Variants in PAFAH1B1 observed in about 807,000 individuals in gnomAD.
PAFAH1B1 encodes the protein platelet activating factor acetylhydrolase 1b regulatory subunit 1, also known as platelet-activating factor acetylhydrolase IB subunit beta.
PAFAH1B1 carries 2 observed loss-of-function variants against 57.5 expected under a neutral mutation model. The observed-to-expected ratio is 0.03, with a 90% CI of 0.01 to 0.11. PAFAH1B1 has a LOEUF of 0.11. Among genes scored for constraint, PAFAH1B1 ranks in the 10% least tolerant of loss-of-function variants. The pLI is 1.00. For missense variants in PAFAH1B1, 257 were observed against 512.0 expected, an observed-to-expected ratio of 0.50 and a Z score of 4.81; for synonymous variants, 152 against 169.6, an observed-to-expected ratio of 0.90 and a Z score of 0.81.
At chr17:2,625,215 G>A (rs1225634034) in intron 1 of PAFAH1B1, among the ~76,000 whole-genome samples, 2 of 152,100 alleles carry the variant, frequency 1.3e-5, no homozygotes, top group Non-Finnish European at 2.9e-5. Flanking sequence ...AAGCAACAGT[G>A]TCCTTGATAT....
At chr17:2,612,139 G>A (rs1012757073) in intron 1 of PAFAH1B1, among the ~76,000 whole-genome samples, 3 of 151,886 alleles carry the variant, frequency 2.0e-5, no homozygotes, top group African/African-American at 4.8e-5. Flanking sequence ...ACTGTTTGAC[G>A]GTTGTTGAAT....
chr17:2,680,375 T>G, intron 10 of PAFAH1B1, 55 bp downstream of exon 10: 1 of 1,493,634 alleles, frequency 6.7e-7, no homozygotes, highest in Admixed American at 1.7e-5. Context: ...CCAGACAAAC[T>G]GTGTTTTACA....
chr17:2,657,044 C>G (rs546521892), intron 2 of PAFAH1B1, among the ~76,000 whole-genome samples: 1 of 152,300 alleles, frequency 6.6e-6, no homozygotes, highest in South Asian at 2.1e-4. Context: ...GCCTCAGCTT[C>G]ACTAGAGCAG....
rs982908732 is a variant in PAFAH1B1, at chr17:2,666,905, A to G, written c.193-87A>G. ...ATTTTTTCAAGTATCCTACATACAT[A>G]GTTGCAAAATAAAGGCAGTTTTTTA... On this transcript the variant is annotated intron_variant, in intron 4 of 10. Transcript: ENST00000397195. The G allele has an allele frequency of 1.1e-5, 10 of 890,684 alleles. No individual in the cohort carries two copies. In the African/African-American group the frequency reaches 1.3e-4, roughly 12 times the overall value. 55.2% of individuals were successfully genotyped at this position (890,684 alleles called of 1,614,324 possible). A position where few individuals can be genotyped will look rare whatever the true frequency, so the allele number is the denominator to read the frequency against.
chr17:2,607,495 T>C (rs552851977), intron 1 of PAFAH1B1, among the ~76,000 whole-genome samples: 1 of 151,790 alleles, frequency 6.6e-6, no homozygotes, highest in African/African-American at 2.4e-5. Flanking sequence ...TTTTTCTTTT[T>C]TTTTTTTGAG....
Position 2,662,822 on chromosome 17 carries a change from C to T in PAFAH1B1, c.33-2550C>T, listed in dbSNP as rs182533872. On this transcript the variant is annotated intron_variant, in intron 2 of 10. Transcript: ENST00000397195. ...GGTGAAGATTCCATCCTTAATAAAG[C>T]TGATGAGGCCAGGTACAGTGGCTAA... Among the ~76,000 whole-genome samples the T allele has an allele frequency of 1.6e-4, 25 of 152,188 alleles. No individual in the cohort carries two copies. The East Asian group carries it at 4.8e-3, about 29-fold the overall frequency.
intron 1 of PAFAH1B1, chr17:2,613,786 GC>G: frequency 3.3e-6 from 1 of 305,230 alleles, no homozygotes; most frequent in African/African-American, 2.3e-5. Context: ...TTCTGCTTCT[GC>G]AGGAGCTCCT....
chr17:2,598,892 C>T (rs1479463835), intron 1 of PAFAH1B1, among the ~76,000 whole-genome samples: 2 of 152,154 alleles, frequency 1.3e-5, no homozygotes, highest in South Asian at 2.1e-4. Context: ...AGTTTAACTT[C>T]TGTTACATAT....
At chr17:2,632,638 T>A (rs556575277) in intron 1 of PAFAH1B1, among the ~76,000 whole-genome samples, 3 of 152,322 alleles carry the variant, frequency 2.0e-5, no homozygotes, top group South Asian at 4.1e-4. Context: ...TAGAAAAAAA[T>A]ATGTCTGTAC....
At chr17:2,663,495 C>T (rs2069049215) in intron 2 of PAFAH1B1, among the ~76,000 whole-genome samples, 1 of 152,060 alleles carries the variant, frequency 6.6e-6, no homozygotes, top group Non-Finnish European at 1.5e-5. Context: ...TCAAGCCATT[C>T]TCCCGCCTCA....
intron 10 of PAFAH1B1, chr17:2,681,125 GC>G (rs2069377804): frequency 1.3e-5 from 2 of 152,790 alleles, no homozygotes; most frequent in African/African-American, 4.8e-5. Flanking sequence ...GGGTGACCTG[GC>G]CCAGGTCAGA....
At chr17:2,660,584 CATTCCTTTTTATGGCTGCATAGT>C (rs1490765879) in intron 2 of PAFAH1B1, among the ~76,000 whole-genome samples, 1 of 152,206 alleles carries the variant, frequency 6.6e-6, no homozygotes. Flanking sequence ...GACATGATCT[CATTCCTTTTTATGGCTGCATAGT>C]ATTCCATGGT....
Position 2,629,630 on chromosome 17 carries a change from TC to T in PAFAH1B1, c.-190-8467del, listed in dbSNP as rs570552804. Among the ~76,000 whole-genome samples the T allele has an allele frequency of 3.9e-5, 6 of 152,248 alleles. No individual in the cohort carries two copies. The South Asian group carries it at 1.2e-3, about 32-fold the overall frequency. On this transcript the variant is annotated intron_variant, in intron 1 of 10. Transcript: ENST00000397195. ...CCAGGGTATAGTTTAAATCCGTTGT[TC>T]CTTTGTTGACTTTCTGTCTTGATGA... is the stretch of plus-strand genomic sequence containing the variant.
In PAFAH1B1 at chr17:2,606,717, A is replaced by G. The variant is rs2068207856; in HGVS notation, c.-191+12711A>G. ...CTATTTTTATTAGGGAATATGTTAA[A>G]TGTTAAAAGTACCTGCAGTAGTAAA... On this transcript the variant is annotated intron_variant, in intron 1 of 10. Coordinates refer to ENST00000397195, the MANE Select transcript of PAFAH1B1 (RefSeq NM_000430.4). Among the ~76,000 whole-genome samples the G allele has an allele frequency of 2.0e-5, 3 of 151,254 alleles. No homozygotes were observed. The South Asian group carries it at 6.3e-4, about 32-fold the overall frequency.
chr17:2,616,040 G>A (rs977283579), intron 1 of PAFAH1B1, among the ~76,000 whole-genome samples: 11 of 152,164 alleles, frequency 7.2e-5, no homozygotes, highest in African/African-American at 2.7e-4. Flanking sequence ...AACAAGAATA[G>A]GATGAGTTCT....
At chr17:2,670,059 G>T in intron 5 of PAFAH1B1, 104 bp from the exon 6 acceptor site, 1 of 880,378 alleles carries the variant, frequency 1.1e-6, no homozygotes, top group Non-Finnish European at 2.0e-6. Context: ...TTACTTGTTC[G>T]GTTAGTTACT....
At chr17:2,649,704 C>G (rs1368729385) in intron 2 of PAFAH1B1, among the ~76,000 whole-genome samples, 3 of 152,056 alleles carry the variant, frequency 2.0e-5, no homozygotes, top group African/African-American at 7.2e-5. Context: ...AAATGCAATC[C>G]CAATCAAAAT....
chr17:2,646,125 G>A (rs1339867910), intron 2 of PAFAH1B1, among the ~76,000 whole-genome samples: 1 of 152,004 alleles, frequency 6.6e-6, no homozygotes, highest in Non-Finnish European at 1.5e-5. Flanking sequence ...TCTAAAGAAA[G>A]CAGGAAAGGG....
chr17:2,680,312 C>A lies in PAFAH1B1; in HGVS notation c.1151C>A (p.Thr384Asn). 1 of 1,613,972 alleles carries A rather than the reference C, an allele frequency of 6.2e-7. No individual in the cohort carries two copies. Among genetic ancestry groups the A allele is most frequent in the Non-Finnish European group, 8.5e-7 (1 of 1,179,896 alleles). ...CTCAATGCGCATGAACACTTTGTTA[C>A]CTCCTTGGGTATGTACGCCTCGCGA... ...KTLNAHEHFV[T>N]SLDFHKTAPY... is the part of the protein sequence containing the mutation. Residue 384 changes from threonine (T) to asparagine (N), a missense_variant, in exon 10 of 11, where the codon ACC (threonine) becomes AAC (asparagine). Coordinates refer to ENST00000397195, the MANE Select transcript of PAFAH1B1 (RefSeq NM_000430.4).
Sources: gnomAD v4.1 joint callset for allele counts (sites outside exome capture counted in the v4.1 genomes callset) on GRCh38, gnomAD v4.1.1 for gene constraint, MANE v1.5 for transcripts, NCBI Gene and HGNC (gene_info 2026-07-23, HGNC 2026-07-21) for gene names.